SERHL2: variants seen among roughly 807,000 people sequenced by gnomAD.
The protein encoded by SERHL2 is serine hydrolase like 2, also known as serine hydrolase-like protein 2.
Under a neutral mutation model 25.5 loss-of-function variants are expected in SERHL2, and 29 were observed. The observed-to-expected ratio is 1.14, with a 90% CI of 0.85 to 1.55. The LOEUF is 1.55. Ranked by LOEUF, SERHL2 falls within the 40% of genes most tolerant of loss-of-function variation. The probability of loss-of-function intolerance (pLI) is 0.00; values close to 1 mark genes in which losing one functional copy is unlikely to be tolerated. For synonymous variants in SERHL2, 95 were observed against 103.5 expected, an observed-to-expected ratio of 0.92 and a Z score of 0.50; for missense variants, 240 against 252.3, an observed-to-expected ratio of 0.95 and a Z score of 0.33.
chr22:42,567,660 G>A (rs1923582006), intron 9 of SERHL2, among the ~76,000 whole-genome samples: 2 of 149,632 alleles, frequency 1.3e-5, no homozygotes, highest in African/African-American at 4.9e-5. Flanking sequence ...GACAGAGCGA[G>A]ACTCCATGTC....
intron 9 of SERHL2, among the ~76,000 whole-genome samples, chr22:42,568,626 A>G (rs374276098): frequency 6.6e-6 from 1 of 151,986 alleles, no homozygotes; most frequent in African/African-American, 2.4e-5. Flanking sequence ...CACATTACAA[A>G]ATGGAGCTGG....
In SERHL2 at chr22:42,567,677, A is replaced by T. The variant is rs113201624; in HGVS notation, c.648+1339A>T. On this transcript the variant is annotated intron_variant, in intron 9 of 11. Transcript: ENST00000327678. Reference sequence around the variant, plus strand: ...CAGAGCGAGACTCCATGTCAAAAAAAAAATAAATAAATAAAAAAAATAAAA... The same window carrying T: ...CAGAGCGAGACTCCATGTCAAAAAATAAATAAATAAATAAAAAAAATAAAA... 6.3e-3 allele frequency among the ~76,000 whole-genome samples: 919 copies of T among 146,260 alleles called. 11 individuals carry two copies. The highest frequency in any genetic ancestry group is 0.014 in the African/African-American group (548 of 39,248).
At position 42,574,070 on chromosome 22, in the gene SERHL2, C is replaced by A. The variant is rs867875590; in HGVS notation, c.*15C>A. 6.2e-7 allele frequency: 1 copy of A among 1,610,740 alleles called. No individual in the cohort carries two copies. Among genetic ancestry groups the A allele is most frequent in the African/African-American group, 1.3e-5 (1 of 74,970 alleles). ...CCCAGCTGTAGCTCTGGGCCTGGAA[C>A]TATGAAGACCTAGTGCTCCCAGACT... is the stretch of plus-strand genomic sequence containing the variant. On this transcript the variant is annotated 3_prime_UTR_variant, in exon 12 of 12. Coordinates refer to ENST00000327678, the MANE Select transcript of SERHL2 (RefSeq NM_014509.5).
chr22:42,560,611 G>A (rs1415409624), intron 8 of SERHL2, among the ~76,000 whole-genome samples: 1 of 152,036 alleles, frequency 6.6e-6, no homozygotes, highest in Non-Finnish European at 1.5e-5. Flanking sequence ...GGACGTCCCA[G>A]GGGCTGAGTG....
rs1924686011 is a variant in SERHL2 at position 42,574,232 on chromosome 22, C to G, written c.*177C>G. ...ATTCCAACTTCAACATCTGTGACCT[C>G]AAGGGGGAGACAGAGTCTGGGTTCC... On this transcript the variant is annotated 3_prime_UTR_variant, in exon 12 of 12. Coordinates refer to ENST00000327678, the MANE Select transcript of SERHL2 (RefSeq NM_014509.5). The G allele has an allele frequency of 1.6e-6, 1 of 619,572 alleles. No homozygotes were observed. 38.4% of individuals were successfully genotyped at this position (619,572 alleles called of 1,614,324 possible). A position where few individuals can be genotyped will look rare whatever the true frequency, so the allele number is the denominator to read the frequency against.
intron 9 of SERHL2, among the ~76,000 whole-genome samples, 188 bp downstream of exon 9, chr22:42,566,526 A>G (rs1923412048): frequency 6.6e-6 from 1 of 151,246 alleles, no homozygotes; most frequent in Non-Finnish European, 1.5e-5. Flanking sequence ...ACTGCACTGC[A>G]GCCTGGGCGA....
At chr22:42,572,752 C>A in intron 11 of SERHL2, 2 of 983,566 alleles carry the variant, frequency 2.0e-6, no homozygotes, top group Non-Finnish European at 2.4e-6. Context: ...GTGGGGAACC[C>A]CTGCCAGGTT....
At chr22:42,562,666 C>T (rs555964239) in intron 8 of SERHL2, among the ~76,000 whole-genome samples, 8 of 151,964 alleles carry the variant, frequency 5.3e-5, no homozygotes, top group Admixed American at 3.3e-4. Flanking sequence ...AGTGAAGGTA[C>T]GGGAGCTGCT....
Position 42,573,837 on chromosome 22 carries a change from G to T in SERHL2, c.826-99G>T, listed in dbSNP as rs1400921175. On this transcript the variant is annotated intron_variant, in intron 11 of 11. Coordinates refer to ENST00000327678, the MANE Select transcript of SERHL2 (RefSeq NM_014509.5). ...CTGTGGGAGGCGCTCCTGACCTGCA[G>T]GGAGCTGGAATGCTGTGGGAGGGCC... The T allele has an allele frequency of 3.2e-5, 36 of 1,138,872 alleles. 2 individuals carry two copies. In the South Asian group the frequency reaches 4.3e-4, roughly 14 times the overall value. 70.5% of individuals were successfully genotyped at this position (1,138,872 alleles called of 1,614,324 possible). A position where few individuals can be genotyped will look rare whatever the true frequency, so the allele number is the denominator to read the frequency against.
intron 8 of SERHL2, among the ~76,000 whole-genome samples, chr22:42,562,047 A>C (rs539771244): frequency 5.3e-4 from 81 of 151,772 alleles, no homozygotes; most frequent in African/African-American, 1.8e-3. Flanking sequence ...GGCAAGAGGG[A>C]GGGCTGAGAA....
In SERHL2 at chr22:42,571,147, C is replaced by T. The variant is rs1924122400; in HGVS notation, c.675C>T (p.Ser225=). Residue 225 remains serine (S), a synonymous_variant, in exon 10 of 12, where the codon AGC becomes AGT. Transcript: ENST00000327678. ...CAGAGAACAGCATTGACTTCATCAG[C>T]AGGGAGCTGTGTGCGCATTCCATCA... The part of the protein sequence containing the change: ...AWAENSIDFI[S]RELCAHSIRK... 1.2e-6 allele frequency: 2 copies of T among 1,613,416 alleles called. No individual in the cohort carries two copies. Among genetic ancestry groups the T allele is most frequent in the Non-Finnish European group, 1.7e-6 (2 of 1,179,628 alleles).
rs1420625174 is a variant in SERHL2, at chr22:42,573,881, GAGCTCCCT to G, written c.826-52_826-45del. On this transcript the variant is annotated intron_variant, in intron 11 of 11. Transcript: ENST00000327678. ...GAGGGCCCTGACCCCGGGGCCCATG[GAGCTCCCT>G]AGGCTCCTCTGGCCACACCTCACCA... is the stretch of plus-strand genomic sequence containing the variant. The G allele has an allele frequency of 7.0e-5, 110 of 1,569,152 alleles. 2 individuals carry two copies. The highest frequency in any genetic ancestry group is 9.1e-5 in the Non-Finnish European group (104 of 1,147,604).
intron 9 of SERHL2, among the ~76,000 whole-genome samples, chr22:42,570,356 T>C (rs998108032): frequency 5.3e-5 from 8 of 151,926 alleles, no homozygotes; most frequent in African/African-American, 1.7e-4. Context: ...GGCGGGAGGT[T>C]GCGGTAAACT....
In SERHL2 at chr22:42,573,877, C is replaced by T. The variant is rs200257858; in HGVS notation, c.826-59C>T. ...GTGGGAGGGCCCTGACCCCGGGGCC[C>T]ATGGAGCTCCCTAGGCTCCTCTGGC... On this transcript the variant is annotated intron_variant, in intron 11 of 11. Coordinates refer to ENST00000327678, the MANE Select transcript of SERHL2 (RefSeq NM_014509.5). 1,747 of 1,554,672 alleles carry T rather than the reference C, an allele frequency of 1.1e-3. 45 individuals are homozygous for T. Among genetic ancestry groups the T allele is most frequent in the South Asian group, 2.9e-3 (258 of 87,656 alleles).
At chr22:42,573,397 C>T (rs1924529088) in intron 11 of SERHL2, 1 of 152,838 alleles carries the variant, frequency 6.5e-6, no homozygotes, top group Non-Finnish European at 1.5e-5. Flanking sequence ...GCGCCCGCCA[C>T]CACGCCCGGC....
intron 9 of SERHL2, among the ~76,000 whole-genome samples, chr22:42,570,713 C>T (rs988506451): frequency 2.0e-5 from 3 of 152,126 alleles, no homozygotes; most frequent in African/African-American, 7.2e-5. Flanking sequence ...AGAAGCCTGT[C>T]CCAGGCTGGC....
intron 11 of SERHL2, chr22:42,573,231 C>A (rs533825592): frequency 1.3e-5 from 2 of 150,084 alleles, no homozygotes; most frequent in Non-Finnish European, 3.0e-5. Flanking sequence ...CAGGCAAGGC[C>A]TTCCTGTCTG....
intron 10 of SERHL2, chr22:42,571,592 AT>A (rs1924201541): frequency 2.2e-6 from 1 of 455,396 alleles, no homozygotes; most frequent in Non-Finnish European, 3.1e-6. Context: ...GGCCTGGCTT[AT>A]TTTTGTATTT....
intron 6 of SERHL2, among the ~76,000 whole-genome samples, chr22:42,557,706 A>AT (rs1416033188): frequency 3.0e-5 from 1 of 32,838 alleles, no homozygotes; most frequent in African/African-American, 5.8e-5. Flanking sequence ...CTCAGGGGCT[A>AT]TTATAAGGAT....
Sources: allele counts gnomAD v4.1 joint callset (sites outside exome capture counted in the v4.1 genomes callset), GRCh38; gene constraint gnomAD v4.1.1; transcripts MANE v1.5; gene names NCBI Gene and HGNC (gene_info 2026-07-23, HGNC 2026-07-21).